The following FRMD3 variants were observed in gnomAD, a reference collection of about 807,000 sequenced individuals.
FRMD3 encodes FERM domain containing 3.
A neutral mutation model predicts 70.2 loss-of-function variants in FRMD3; 33 were observed. The ratio of observed to expected loss-of-function variants is 0.47; its 90% confidence interval spans 0.36 to 0.63. FRMD3 has a LOEUF of 0.63. Among genes scored for constraint, FRMD3 ranks in the 20% least tolerant of loss-of-function variants. The pLI is 0.00. For missense variants in FRMD3, 632 were observed against 711.4 expected (o/e 0.89, Z 1.27); for synonymous variants, 279 against 255.9 (o/e 1.09, Z -0.86).
intron 1 of FRMD3, among the ~76,000 whole-genome samples, chr9:83,400,475 A>G (rs1049039257): frequency 1.3e-5 from 2 of 152,190 alleles, no homozygotes; most frequent in African/African-American, 2.4e-5. Context: ...GTTCTTTTCA[A>G]TTTATTCTAT....
chr9:83,293,337 G>T (rs1348111559), intron 12 of FRMD3, among the ~76,000 whole-genome samples: 2 of 152,134 alleles, frequency 1.3e-5, no homozygotes, highest in African/African-American at 2.4e-5. Context: ...TGTCATTCCT[G>T]TGTGGTCTGT....
chr9:83,422,974 A>G (rs1826688254), intron 1 of FRMD3, among the ~76,000 whole-genome samples: 2 of 152,220 alleles, frequency 1.3e-5, no homozygotes, highest in Non-Finnish European at 2.9e-5. Context: ...AAGACCTAGA[A>G]GCCAAAGTTT....
chr9:83,357,236 ATAATAC>A (rs1327051777), intron 3 of FRMD3, among the ~76,000 whole-genome samples: 5 of 11,816 alleles, frequency 4.2e-4, no homozygotes, highest in African/African-American at 7.3e-4. Flanking sequence ...TTATATATAT[ATAATAC>A]ATACATATAT....
At chr9:83,322,765 C>CTAT (rs1300256614) in intron 6 of FRMD3, among the ~76,000 whole-genome samples, 1 of 152,190 alleles carries the variant, frequency 6.6e-6, no homozygotes, top group Non-Finnish European at 1.5e-5. Flanking sequence ...CCTCTCCTGA[C>CTAT]TATTAGTCAG....
At chr9:83,436,620 T>A (rs1033060307) in intron 1 of FRMD3, among the ~76,000 whole-genome samples, 2 of 152,124 alleles carry the variant, frequency 1.3e-5, no homozygotes, top group East Asian at 3.9e-4. Flanking sequence ...TCATTTCTTA[T>A]ATTGAAACCA....
intron 1 of FRMD3, among the ~76,000 whole-genome samples, chr9:83,521,387 G>A (rs1434517865): frequency 6.6e-6 from 1 of 152,148 alleles, no homozygotes; most frequent in Admixed American, 6.5e-5. Flanking sequence ...TCATGAGGCT[G>A]GAGCAGGAGG....
chr9:83,516,330 T>C (rs1290982250), intron 1 of FRMD3, among the ~76,000 whole-genome samples: 6 of 151,000 alleles, frequency 4.0e-5, no homozygotes, highest in Admixed American at 4.0e-4. Context: ...TCCTAGTCTC[T>C]AATAAAACAG....
At chr9:83,276,795 C>G (rs1833807608) in intron 13 of FRMD3, among the ~76,000 whole-genome samples, 1 of 152,174 alleles carries the variant, frequency 6.6e-6, no homozygotes, top group African/African-American at 2.4e-5. Context: ...CTGCAACCTC[C>G]ACCTCCCAGG....
intron 10 of FRMD3, among the ~76,000 whole-genome samples, chr9:83,304,547 T>C (rs952281335): frequency 4.6e-5 from 7 of 152,214 alleles, no homozygotes; most frequent in Admixed American, 2.0e-4. Flanking sequence ...CTACCAAGCA[T>C]AACACTGTTC....
intron 6 of FRMD3, among the ~76,000 whole-genome samples, chr9:83,328,502 CA>C (rs1479937137): frequency 1.3e-5 from 2 of 152,194 alleles, no homozygotes; most frequent in Admixed American, 6.5e-5. Context: ...AATTGGCTGT[CA>C]AATTTCTTTG....
Position 83,247,752 on chromosome 9 carries a change from T to C in FRMD3, c.*166A>G. 2 of 1,463,086 alleles carry C rather than the reference T, an allele frequency of 1.4e-6. No individual in the cohort carries two copies. The highest frequency in any genetic ancestry group is 1.8e-6 in the Non-Finnish European group (2 of 1,111,360). The allele number at this position is 1,463,086 out of a possible 1,614,324, so 90.6% of individuals were successfully genotyped here. A position where few individuals can be genotyped will look rare whatever the true frequency, so the allele number is the denominator to read the frequency against. ...AAAATAACTGTATTTGATTTAAACTTATTTAAGTGCAGTGAATTATGGAAA... is the reference window on the plus strand; with the variant it reads ...AAAATAACTGTATTTGATTTAAACTCATTTAAGTGCAGTGAATTATGGAAA... On this transcript the variant is annotated 3_prime_UTR_variant, in exon 14 of 14. Coordinates refer to ENST00000304195, the MANE Select transcript of FRMD3 (RefSeq NM_174938.6).
intron 13 of FRMD3, among the ~76,000 whole-genome samples, chr9:83,277,372 AT>A (rs550015687): frequency 1.2e-3 from 189 of 151,904 alleles, no homozygotes; most frequent in African/African-American, 4.3e-3. Context: ...TGACTATGGT[AT>A]TTTTTTTAAG....
chr9:83,317,226 A>G lies in FRMD3; in HGVS notation c.597-3479T>C, dbSNP rs559033315. Among the ~76,000 whole-genome samples, 161 of 138,980 alleles carry G rather than the reference A, an allele frequency of 1.2e-3. 1 individual carries two copies. The highest frequency in any genetic ancestry group is 4.1e-3 in the African/African-American group (157 of 38,024). 91.2% of individuals were successfully genotyped at this position (138,980 alleles called of 152,430 possible). On this transcript the variant is annotated intron_variant, in intron 6 of 13. Transcript: ENST00000304195. ...CACACACACACACACACACACACAC[A>G]CTCATTTGTATACTCATCTCACCTT...
chr9:83,244,799 A>AGTT lies in FRMD3; in HGVS notation c.*3116_*3118dup. ...ATAAACTCATTGTGAATTCACCCCG[A>AGTT]GTTGTGTTTATAAATATTAGACAAA... On this transcript the variant is annotated 3_prime_UTR_variant, in exon 14 of 14. Transcript: ENST00000304195. 2.0e-6 allele frequency: 2 copies of AGTT among 985,254 alleles called. No homozygotes were observed. The highest frequency in any genetic ancestry group is 9.4e-5 in the South Asian group (2 of 21,284). 61.0% of individuals were successfully genotyped at this position (985,254 alleles called of 1,614,324 possible).
At chr9:83,508,215 G>A (rs1423120635) in intron 1 of FRMD3, among the ~76,000 whole-genome samples, 2 of 152,172 alleles carry the variant, frequency 1.3e-5, no homozygotes, top group African/African-American at 2.4e-5. Context: ...TTCAACAACA[G>A]GAAGCACTAA....
chr9:83,518,287 A>G (rs1428601296), intron 1 of FRMD3, among the ~76,000 whole-genome samples: 2 of 152,258 alleles, frequency 1.3e-5, no homozygotes, highest in African/African-American at 4.8e-5. Context: ...CAACTTTAAC[A>G]AAGTCTCAGC....
chr9:83,365,613 C>CT (rs1824760572), intron 3 of FRMD3, among the ~76,000 whole-genome samples: 1 of 152,074 alleles, frequency 6.6e-6, no homozygotes, highest in African/African-American at 2.4e-5. Context: ...ATTTGGATCT[C>CT]TGAGAAGGAT....
At chr9:83,563,905 T>A in the FRMD3 span, among the ~76,000 whole-genome samples, 1 of 152,180 alleles carries the variant, frequency 6.6e-6, no homozygotes, top group Non-Finnish European at 1.5e-5. Flanking sequence ...CTTCAAATGA[T>A]TTGCTTGTAT....
intron 3 of FRMD3, among the ~76,000 whole-genome samples, chr9:83,351,776 C>T (rs1044566518): frequency 3.3e-5 from 5 of 151,952 alleles, no homozygotes; most frequent in African/African-American, 1.2e-4. Context: ...CTAATCCTGC[C>T]CCATCTGTCT....
Sources: allele counts gnomAD v4.1 joint callset (sites outside exome capture counted in the v4.1 genomes callset), GRCh38; gene constraint gnomAD v4.1.1; transcripts MANE v1.5; gene names NCBI Gene and HGNC (gene_info 2026-07-23, HGNC 2026-07-21).